ABCA13: variants seen among roughly 807,000 people sequenced by gnomAD.
ABCA13 encodes ATP-binding cassette sub-family A member 13.
Under a neutral mutation model 478.7 loss-of-function variants are expected in ABCA13, and 476 were observed. The observed-to-expected ratio is 0.99, with a 90% confidence interval of 0.92 to 1.07. ABCA13 has a LOEUF of 1.07. Ranked by LOEUF, ABCA13 falls within the 50% of genes least tolerant of loss-of-function variation. The pLI is 0.00. For synonymous variants in ABCA13, 2,252 were observed against 2,158.9 expected, an observed-to-expected ratio of 1.04 and a Z score of -1.20; for missense variants, 6,060 against 5,910.6, an observed-to-expected ratio of 1.03 and a Z score of -0.83.
At position 48,580,093 on chromosome 7, in the gene ABCA13, A is replaced by G. The variant is rs747491380; in HGVS notation, c.14355-131A>G. The stretch of plus-strand genomic sequence containing the variant: ...TCTTCACGTCTCATGAAATGAACCT[A>G]TTATTGTGAAATGAACTAATTGTTT... On this transcript the variant is annotated intron_variant, in intron 55 of 61. Coordinates refer to ENST00000435803, the MANE Select transcript of ABCA13 (RefSeq NM_152701.5). 677 of 992,822 alleles carry G rather than the reference A, an allele frequency of 6.8e-4. 1 individual carries two copies. The highest frequency in any genetic ancestry group is 8.6e-4 in the Non-Finnish European group (607 of 708,710). The allele number at this position is 992,822 out of a possible 1,614,324, so 61.5% of individuals were successfully genotyped here. A position where few individuals can be genotyped will look rare whatever the true frequency, so the allele number is the denominator to read the frequency against.
rs954566480 is a variant in ABCA13, at chr7:48,587,172, A to C, written c.14524A>C (p.Arg4842=). 1.9e-6 allele frequency: 3 copies of C among 1,613,024 alleles called. No homozygotes were observed. The African/African-American group carries it at 4.0e-5, about 22-fold the overall frequency. Residue 4842 remains arginine, a synonymous_variant, in exon 57 of 62, where the codon AGG becomes CGG. Transcript: ENST00000435803. ...CIPEVAGDLI[R]RLHLEAHADK... ...CTTCCAGGTTGCTGGAGACCTCATC[A>C]GGCGCTTACACCTCGAAGCCCACGC... is the stretch of plus-strand genomic sequence containing the variant.
intron 58 of ABCA13, chr7:48,612,057 T>C (rs1792078929): frequency 3.9e-5 from 6 of 152,170 alleles, no homozygotes; most frequent in South Asian, 4.1e-4. Flanking sequence ...GCTAAATTCA[T>C]GTCAGTGGGC....
Position 48,274,519 on chromosome 7 carries a change from T to C in ABCA13, c.4853T>C (p.Ile1618Thr). 2 of 1,613,842 alleles carry C rather than the reference T, an allele frequency of 1.2e-6. No individual in the cohort carries two copies. The highest frequency in any genetic ancestry group is 1.7e-6 in the Non-Finnish European group (2 of 1,179,830). Residue 1618 changes from isoleucine to threonine, a missense_variant, in exon 17 of 62, where the codon ATA becomes ACA. This residue lies in a region of ABCA13 where 4,423 missense variants were observed against 4,309.1 expected (regional missense o/e 1.03). Coordinates refer to ENST00000435803, the MANE Select transcript of ABCA13 (RefSeq NM_152701.5). ...CATGACCTCCAAAATTCACCAAAAA[T>C]AATAATTTCACCTGAAATAATGAAA... ...LSHDLQNSPK[I>T]IISPEIMKAT...
At chr7:48,340,525 C>T (rs1015267013) in intron 29 of ABCA13, among the ~76,000 whole-genome samples, 2 of 152,110 alleles carry the variant, frequency 1.3e-5, no homozygotes, top group African/African-American at 4.8e-5. Flanking sequence ...ATCTTATCAC[C>T]ACAGATAGCT....
At chr7:48,350,513 T>C in intron 29 of ABCA13, 130 bp from the exon 30 acceptor site, 1 of 1,189,724 alleles carries the variant, frequency 8.4e-7, no homozygotes, top group Non-Finnish European at 1.2e-6. Flanking sequence ...AATTTGACTC[T>C]TTTGAGCAAT....
intron 1 of ABCA13, among the ~76,000 whole-genome samples, chr7:48,177,294 G>A (rs895834300): frequency 1.3e-5 from 2 of 152,214 alleles, no homozygotes; most frequent in Admixed American, 1.3e-4. Context: ...AAGGTGAGGT[G>A]CCTGATCTCT....
chr7:48,586,884 G>C (rs7799912), intron 56 of ABCA13, among the ~76,000 whole-genome samples: 53,245 of 152,026 alleles, frequency 0.35, 9,378 homozygotes, highest in Middle Eastern at 0.45. Context: ...CCAACCTTGA[G>C]TGTGTTTCTT....
At chr7:48,471,403 G>A in intron 44 of ABCA13, 127 bp from the exon 45 acceptor site, 1 of 800,248 alleles carries the variant, frequency 1.2e-6, no homozygotes. Flanking sequence ...TAAGAGCTCT[G>A]CCTTCTCGGC....
intron 55 of ABCA13, among the ~76,000 whole-genome samples, chr7:48,560,249 G>A (rs1354426360): frequency 3.4e-4 from 51 of 152,154 alleles, no homozygotes; most frequent in Admixed American, 3.3e-3. Flanking sequence ...CTACCTCCAT[G>A]TGTGGGCACT....
intron 3 of ABCA13, among the ~76,000 whole-genome samples, chr7:48,201,275 C>G (rs73339660): frequency 6.6e-6 from 1 of 152,084 alleles, no homozygotes; most frequent in Non-Finnish European, 1.5e-5. Context: ...TGGGTGGGAG[C>G]GGGTTTCAGG....
Position 48,520,139 on chromosome 7 carries a change from C to T in ABCA13, c.13896C>T (p.Ile4632=). ...QGLVELCYNQ[I]KYDLTHNFGI... ...TGGTAGAACTCTGCTATAATCAGATCAAATATGACCTGACCCACAACTTCG... is the reference window on the plus strand; with the variant it reads ...TGGTAGAACTCTGCTATAATCAGATTAAATATGACCTGACCCACAACTTCG... The change falls in exon 53 of 62, where the codon ATC becomes ATT. Residue 4632 remains isoleucine, a synonymous_variant. Coordinates refer to ENST00000435803, the MANE Select transcript of ABCA13 (RefSeq NM_152701.5). 6.2e-7 allele frequency: 1 copy of T among 1,613,732 alleles called. No individual in the cohort carries two copies. Among genetic ancestry groups the T allele is most frequent in the East Asian group, 2.2e-5 (1 of 44,794 alleles).
chr7:48,569,565 C>T (rs913315542), intron 55 of ABCA13, among the ~76,000 whole-genome samples: 1 of 152,072 alleles, frequency 6.6e-6, no homozygotes, highest in African/African-American at 2.4e-5. Flanking sequence ...TGCTCTTTCA[C>T]CCAGGCTGGA....
intron 50 of ABCA13, among the ~76,000 whole-genome samples, chr7:48,509,441 C>G (rs1682369059): frequency 6.6e-6 from 1 of 152,182 alleles, no homozygotes; most frequent in African/African-American, 2.4e-5. Context: ...TCACAACACA[C>G]AGGGGGCCAC....
chr7:48,551,228 T>C (rs1346441359), intron 55 of ABCA13, among the ~76,000 whole-genome samples: 1 of 151,608 alleles, frequency 6.6e-6, no homozygotes, highest in Non-Finnish European at 1.5e-5. Flanking sequence ...ATTAAAATCC[T>C]TAATGAAAAC....
chr7:48,554,890 A>C (rs932429562), intron 55 of ABCA13, among the ~76,000 whole-genome samples: 5 of 151,156 alleles, frequency 3.3e-5, no homozygotes, highest in Non-Finnish European at 7.4e-5. Flanking sequence ...GTTAAATAAC[A>C]GTGGTGAAGG....
At chr7:48,528,086 A>T in intron 54 of ABCA13, 150 bp from the exon 55 acceptor site, 1 of 619,752 alleles carries the variant, frequency 1.6e-6, no homozygotes, top group South Asian at 2.1e-5. Context: ...GTCATTTTAA[A>T]ACTCCATAAA....
rs1439552617 is a variant in ABCA13, at chr7:48,271,875, G to A, written c.2209G>A (p.Val737Met). The A allele has an allele frequency of 6.2e-7, 1 of 1,609,002 alleles. No homozygotes were observed. Among genetic ancestry groups the A allele is most frequent in the Non-Finnish European group, 8.5e-7 (1 of 1,177,296 alleles). The change falls in exon 17 of 62, where the codon GTG becomes ATG. Residue 737 changes from valine to methionine, a missense_variant. Around this residue, in one of 3 missense-constraint regions of ABCA13, gnomAD observed 4,423 missense variants for 4,309.1 expected, o/e 1.03. Coordinates refer to ENST00000435803, the MANE Select transcript of ABCA13 (RefSeq NM_152701.5). ...DEQMNFLLSF[V>M]EFFEKLLLPN... ...ACAAATGAACTTTCTTTTATCATTT[G>A]TGGAATTTTTTGAGAAATTATTGTT...
intron 61 of ABCA13, among the ~76,000 whole-genome samples, chr7:48,644,997 A>T (rs1028042336): frequency 1.4e-4 from 22 of 152,190 alleles, no homozygotes; most frequent in African/African-American, 4.8e-4. Flanking sequence ...GCATTTAACT[A>T]ATTAAATCAT....
In ABCA13 at chr7:48,274,052, C is replaced by G; in HGVS notation, c.4386C>G (p.Tyr1462Ter). 6.2e-7 allele frequency: 1 copy of G among 1,605,768 alleles called. No individual in the cohort carries two copies. Among genetic ancestry groups the G allele is most frequent in the Non-Finnish European group, 8.5e-7 (1 of 1,174,536 alleles). ...CACATATAAATTGTGTCAATATTTA[C>G]TTGAAAGATGTAACTGACTTTCTAA... is the stretch of plus-strand genomic sequence containing the variant. ...NGSHINCVNI[Y>*]LKDVTDFLNI... The change falls in exon 17 of 62, where the codon TAC (tyrosine) becomes TAG (stop). Residue 1462 changes from tyrosine (Y) to a stop codon, truncating the protein, a stop_gained. Coordinates refer to ENST00000435803, the MANE Select transcript of ABCA13 (RefSeq NM_152701.5). LOFTEE classifies it high-confidence loss of function.
Sources: gnomAD v4.1 joint callset for allele counts (sites outside exome capture counted in the v4.1 genomes callset) on GRCh38, gnomAD v4.1.1 for gene constraint, gnomAD v4.1.1 regional missense constraint, MANE v1.5 for transcripts, NCBI Gene and HGNC (gene_info 2026-07-23, HGNC 2026-07-21) for gene names.